The following NHSL1 variants were observed in gnomAD, a reference collection of about 807,000 sequenced individuals.
NHSL1 encodes the protein NHS like 1.
In NHSL1, 48 loss-of-function variants were observed where a neutral mutation model predicts 95.0. The observed-to-expected ratio is 0.51, with a 90% CI of 0.40 to 0.64. The LOEUF (loss-of-function observed/expected upper bound fraction) is 0.64, where lower values mean the gene tolerates loss of function less well. Among genes scored for constraint, NHSL1 ranks in the 30% least tolerant of loss-of-function variants. The pLI, the probability that NHSL1 is intolerant of heterozygous loss-of-function variation, is 0.00. For missense variants in NHSL1, 1,971 were observed against 2,077.7 expected (o/e 0.95, Z 1.00); for synonymous variants, 783 against 833.9 (o/e 0.94, Z 1.05).
intron 1 of NHSL1, among the ~76,000 whole-genome samples, chr6:138,589,687 T>A (rs755085239): frequency 6.6e-6 from 1 of 152,140 alleles, no homozygotes; most frequent in Non-Finnish European, 1.5e-5. Context: ...TAGGAATGAA[T>A]TGGTTTCCTC....
intron 1 of NHSL1, chr6:138,512,170 A>G (rs368670100): frequency 5.2e-6 from 2 of 382,532 alleles, no homozygotes; most frequent in African/African-American, 4.3e-5. Context: ...TGCTGAGGGC[A>G]GTTTTAAAAT....
At chr6:138,527,957 C>T (rs1467379031) in intron 1 of NHSL1, among the ~76,000 whole-genome samples, 2 of 152,200 alleles carry the variant, frequency 1.3e-5, no homozygotes, top group Non-Finnish European at 2.9e-5. Flanking sequence ...GAAAGCCTCA[C>T]ACAAGAGCCT....
At chr6:138,670,978 T>C (rs995205164) in intron 1 of NHSL1, among the ~76,000 whole-genome samples, 1 of 151,864 alleles carries the variant, frequency 6.6e-6, no homozygotes, top group Non-Finnish European at 1.5e-5. Context: ...GTGAGACTCC[T>C]ACCTCTACAA....
Position 138,430,880 on chromosome 6 carries a change from C to A in NHSL1, c.3465G>T (p.Glu1155Asp), listed in dbSNP as rs1207830849. The change falls in exon 6 of 8, where the codon GAG becomes GAT. Residue 1155 changes from glutamate to aspartate, a missense_variant. Transcript: ENST00000343505. This position sits in a 1 kb window ranked among gnomAD's most constrained non-coding sequence, Gnocchi z 4.7. ...GGCTGCGGCTCACAGGGCCACCACG[C>A]TCAGCCGCACTGCCATGGTCACCCT... ...SSQGDHGSAA[E>D]RGGPVSRSPG... 7.1e-6 allele frequency: 11 copies of A among 1,551,354 alleles called. No homozygotes were observed. The highest frequency in any genetic ancestry group is 8.7e-6 in the Non-Finnish European group (10 of 1,146,896).
rs1387843908 is a variant in NHSL1, at chr6:138,632,882, C to A, written c.96+59594G>T. 2.0e-5 allele frequency among the ~76,000 whole-genome samples: 3 copies of A among 152,074 alleles called. No individual in the cohort carries two copies. In the South Asian group the frequency reaches 6.2e-4, roughly 31 times the overall value. On this transcript the variant is annotated intron_variant, in intron 1 of 3. Transcript: ENST00000491526. ...ATATACTAAATAAAGCACCAGGGAC[C>A]AATCCTGGAGAAAGAGATATGTGAC...
chr6:138,691,876 C>A (rs975777456), intron 1 of NHSL1: 1 of 456,472 alleles, frequency 2.2e-6, no homozygotes, highest in African/African-American at 2.0e-5. Flanking sequence ...TCACAAAGAG[C>A]TGGTGGGTCA....
At chr6:138,529,037 T>A (rs1345431681) in intron 1 of NHSL1, among the ~76,000 whole-genome samples, 1 of 152,158 alleles carries the variant, frequency 6.6e-6, no homozygotes, top group African/African-American at 2.4e-5. Context: ...CCCAAAACAA[T>A]CTTCATTCCT....
intron 1 of NHSL1, among the ~76,000 whole-genome samples, chr6:138,569,262 T>TGC (rs1314848821): frequency 3.7e-4 from 56 of 151,460 alleles, no homozygotes; most frequent in Admixed American, 3.0e-3. Flanking sequence ...TGTGTGTGTG[T>TGC]GTGTGTGTGA....
chr6:138,689,545 T>C (rs970671936), intron 1 of NHSL1, among the ~76,000 whole-genome samples: 2 of 152,218 alleles, frequency 1.3e-5, no homozygotes, highest in African/African-American at 4.8e-5. Context: ...TGTTTATACA[T>C]TTTTTTAAAT....
At chr6:138,517,326 A>G (rs973329960) in intron 1 of NHSL1, among the ~76,000 whole-genome samples, 1 of 152,198 alleles carries the variant, frequency 6.6e-6, no homozygotes, top group African/African-American at 2.4e-5. Context: ...TTTTTCTACA[A>G]GTAGGGTTTG....
Position 138,432,651 on chromosome 6 carries a change from G to A in NHSL1, c.1694C>T (p.Pro565Leu), listed in dbSNP as rs1382656754. ...AGGAGTTGCTAAATGCGGCTTCAGG[G>A]GGGATGCCCTTCCATTACCTGAGGA... ...YKSSGNGRAS[P>L]LKPHLATPGY... Residue 565 changes from proline (P) to leucine (L), a missense_variant, in exon 6 of 8, where the codon CCC (proline) becomes CTC (leucine). By Grantham distance (98) the Pro-to-Leu change is moderately conservative. This residue lies in a region of NHSL1 where 1,602 missense variants were observed against 1,654.5 expected (regional missense o/e 0.97). Coordinates refer to ENST00000343505, the MANE Select transcript of NHSL1 (RefSeq NM_001144060.2). This position sits in a 1 kb window ranked among gnomAD's most constrained non-coding sequence, Gnocchi z 4.4. 6.4e-7 allele frequency: 1 copy of A among 1,551,722 alleles called. No individual in the cohort carries two copies. The highest frequency in any genetic ancestry group is 1.7e-4 in the Middle Eastern group (1 of 5,992).
upstream of NHSL1, among the ~76,000 whole-genome samples, chr6:138,547,629 C>T (rs897455832): frequency 1.3e-5 from 2 of 152,176 alleles, no homozygotes; most frequent in African/African-American, 4.8e-5. Flanking sequence ...GTGATCCACC[C>T]GCCTCGGCCT....
At chr6:138,519,804 T>A (rs1355465211) in intron 1 of NHSL1, among the ~76,000 whole-genome samples, 1 of 152,222 alleles carries the variant, frequency 6.6e-6, no homozygotes, top group Non-Finnish European at 1.5e-5. Flanking sequence ...AGTATTCAGA[T>A]AGAGTTGATT....
chr6:138,431,994 A>G lies in NHSL1; in HGVS notation c.2351T>C (p.Ile784Thr), dbSNP rs1197256444. 4 of 1,551,588 alleles carry G rather than the reference A, an allele frequency of 2.6e-6. No individual in the cohort carries two copies. Among genetic ancestry groups the G allele is most frequent in the Non-Finnish European group, 2.6e-6 (3 of 1,147,002 alleles). The change falls in exon 6 of 8, where the codon ATT becomes ACT. Residue 784 changes from isoleucine to threonine, a missense_variant. By Grantham distance (89) the Ile-to-Thr change is moderately conservative (BLOSUM62 -1). This residue lies in a region of NHSL1 where 1,602 missense variants were observed against 1,654.5 expected (regional missense o/e 0.97). Transcript: ENST00000343505. The surrounding 1 kb of genome is among the most constrained non-coding windows in gnomAD (Gnocchi z 4.0). ...ATCTTCCTGCATGCCCGTGTAGTCAATGTAATAACCCCAGGGGTCCGTGTA... is the reference window on the plus strand; with the variant it reads ...ATCTTCCTGCATGCCCGTGTAGTCAGTGTAATAACCCCAGGGGTCCGTGTA... The part of the protein sequence containing the change: ...SEYTDPWGYY[I>T]DYTGMQEDPG...
rs1178618843 is a variant in NHSL1, at chr6:138,433,172, C to G, written c.1173G>C (p.Glu391Asp). 3 of 1,551,396 alleles carry G rather than the reference C, an allele frequency of 1.9e-6. No individual in the cohort carries two copies. The Admixed American group carries it at 5.9e-5, about 30-fold the overall frequency. Reference sequence around the variant, plus strand: ...ACGCTGGGCTCATTATATTTTCACTCTCGAAGTGTCTCAACTCCTGGGATT... The same window carrying G: ...ACGCTGGGCTCATTATATTTTCACTGTCGAAGTGTCTCAACTCCTGGGATT... ...RPKSQELRHF[E>D]SENIMSPACV... The change falls in exon 6 of 8, where the codon GAG becomes GAC. Residue 391 changes from glutamate (E) to aspartate (D), a missense_variant. Transcript: ENST00000343505.
intron 1 of NHSL1, among the ~76,000 whole-genome samples, chr6:138,531,871 T>A (rs940118910): frequency 6.6e-5 from 10 of 152,160 alleles, no homozygotes; most frequent in Non-Finnish European, 1.5e-4. Context: ...ATATCTTAAA[T>A]TTTTTTCAAT....
At chr6:138,541,925 T>A (rs1782595585) in intron 1 of NHSL1, among the ~76,000 whole-genome samples, 1 of 152,212 alleles carries the variant, frequency 6.6e-6, no homozygotes, top group Admixed American at 6.5e-5. Flanking sequence ...ACACTTCCCA[T>A]GCAGCTGCCC....
At chr6:138,640,785 C>G (rs1038673472) in intron 1 of NHSL1, among the ~76,000 whole-genome samples, 2 of 152,066 alleles carry the variant, frequency 1.3e-5, no homozygotes, top group Non-Finnish European at 2.9e-5. Flanking sequence ...TAACCCCCCA[C>G]CCCCAGTTGT....
intron 1 of NHSL1, among the ~76,000 whole-genome samples, chr6:138,661,560 G>A (rs1223313240): frequency 6.6e-6 from 1 of 151,956 alleles, no homozygotes; most frequent in East Asian, 1.9e-4. Context: ...TACTCAGGAG[G>A]CTGAGGTGAG....
Sources: gnomAD v4.1 joint callset for allele counts (sites outside exome capture counted in the v4.1 genomes callset) on GRCh38, gnomAD v4.1.1 for gene constraint, gnomAD v4.1.1 regional missense constraint, Gnocchi (gnomAD v3.1) non-coding constraint, MANE v1.5 for transcripts, NCBI Gene and HGNC (gene_info 2026-07-23, HGNC 2026-07-21) for gene names.